MIPEP: variants seen among roughly 807,000 people sequenced by gnomAD.
MIPEP encodes the protein mitochondrial intermediate peptidase.
Under a neutral mutation model 90.3 loss-of-function variants are expected in MIPEP, and 79 were observed. The ratio of observed to expected loss-of-function variants is 0.87; its 90% CI spans 0.73 to 1.05. The LOEUF (loss-of-function observed/expected upper bound fraction) is 1.05, where lower values mean the gene tolerates loss of function less well. Among genes scored for constraint, MIPEP ranks in the 50% least tolerant of loss-of-function variants. MIPEP has a pLI of 0.00. For missense variants in MIPEP, 940 were observed against 905.6 expected, an observed-to-expected ratio of 1.04 and a Z score of -0.49; for synonymous variants, 334 against 315.8, an observed-to-expected ratio of 1.06 and a Z score of -0.61.
At chr13:23,863,014 C>A (rs1312181506) in intron 8 of MIPEP, among the ~76,000 whole-genome samples, 1 of 152,118 alleles carries the variant, frequency 6.6e-6, no homozygotes, top group Non-Finnish European at 1.5e-5. Context: ...TCACCAGGAT[C>A]ATTAAAAGAA....
chr13:23,788,930 C>A (rs762959618), intron 16 of MIPEP, among the ~76,000 whole-genome samples: 1 of 152,182 alleles, frequency 6.6e-6, no homozygotes, highest in Non-Finnish European at 1.5e-5. Context: ...CCTACCTCAG[C>A]CTCCCAAGTA....
At position 23,854,764 on chromosome 13, in the gene MIPEP, T is replaced by C. The variant is rs1352787308; in HGVS notation, c.1106+4096A>G. On this transcript the variant is annotated intron_variant, in intron 10 of 18. Coordinates refer to ENST00000382172, the MANE Select transcript of MIPEP (RefSeq NM_005932.4). ...AAAATTAGCTGGGTGTGGTGGTGCA[T>C]GCCTGTAATCCCTGCTACTCGGGAG... is the stretch of plus-strand genomic sequence containing the variant. Among the ~76,000 whole-genome samples, 4 of 151,932 alleles carry C rather than the reference T, an allele frequency of 2.6e-5. No individual in the cohort carries two copies. The South Asian group carries it at 6.2e-4, about 24-fold the overall frequency.
At chr13:23,843,416 T>C (rs1192210680) in intron 10 of MIPEP, among the ~76,000 whole-genome samples, 1 of 152,168 alleles carries the variant, frequency 6.6e-6, no homozygotes, top group Non-Finnish European at 1.5e-5. Context: ...TCCTCACCAA[T>C]GCACACTAAA....
chr13:23,780,820 T>C (rs1415494938), intron 16 of MIPEP, among the ~76,000 whole-genome samples: 1 of 152,104 alleles, frequency 6.6e-6, no homozygotes, highest in African/African-American at 2.4e-5. Context: ...CAAGCTTCAG[T>C]AGCCCATTCG....
At chr13:23,747,741 TTTG>T (rs561128885) in intron 18 of MIPEP, among the ~76,000 whole-genome samples, 13 of 152,068 alleles carry the variant, frequency 8.5e-5, no homozygotes, top group South Asian at 4.1e-4. Context: ...ATCACAACTT[TTTG>T]TTGTTGTTGT....
intron 16 of MIPEP, among the ~76,000 whole-genome samples, chr13:23,778,487 T>A (rs1952741150): frequency 6.6e-6 from 1 of 152,156 alleles, no homozygotes; most frequent in Non-Finnish European, 1.5e-5. Flanking sequence ...TGGGGACCCC[T>A]GGTGGCCTGG....
intron 14 of MIPEP, among the ~76,000 whole-genome samples, chr13:23,822,146 A>G (rs1953313785): frequency 6.6e-6 from 1 of 152,254 alleles, no homozygotes; most frequent in Non-Finnish European, 1.5e-5. Context: ...GTTTTTTAAA[A>G]TAGGAAAATG....
At chr13:23,769,700 A>C (rs1378846274) in intron 16 of MIPEP, among the ~76,000 whole-genome samples, 1 of 152,150 alleles carries the variant, frequency 6.6e-6, no homozygotes, top group East Asian at 1.9e-4. Flanking sequence ...CTGTTAGATA[A>C]ACTTGCAATA....
At chr13:23,768,017 G>A (rs908713174) in intron 16 of MIPEP, among the ~76,000 whole-genome samples, 3 of 152,204 alleles carry the variant, frequency 2.0e-5, no homozygotes, top group Admixed American at 6.5e-5. Flanking sequence ...GAAAATGGCT[G>A]TGAGTAAAGG....
chr13:23,847,582 A>G (rs760805677), intron 10 of MIPEP, among the ~76,000 whole-genome samples: 4 of 152,124 alleles, frequency 2.6e-5, no homozygotes, highest in Non-Finnish European at 5.9e-5. Flanking sequence ...CTAGCTGGGT[A>G]GACTGACAGG....
Position 23,804,122 on chromosome 13 carries a change from T to C in MIPEP, c.1848+1828A>G, listed in dbSNP as rs1001941753. Among the ~76,000 whole-genome samples the C allele has an allele frequency of 4.6e-5, 7 of 152,344 alleles. No homozygotes were observed. The South Asian group carries it at 6.2e-4, about 14-fold the overall frequency. On this transcript the variant is annotated intron_variant, in intron 16 of 18. Transcript: ENST00000382172. ...TGATTCAGAATTTGGTTGCCACTAATACTTCATATTTGTATGTTAAATGAT... is the reference window on the plus strand; with the variant it reads ...TGATTCAGAATTTGGTTGCCACTAACACTTCATATTTGTATGTTAAATGAT...
intron 16 of MIPEP, among the ~76,000 whole-genome samples, chr13:23,799,392 A>C (rs1953007799): frequency 6.6e-6 from 1 of 151,836 alleles, no homozygotes; most frequent in East Asian, 1.9e-4. Flanking sequence ...CAGTGGTGCG[A>C]TGTGGGCTCA....
intron 2 of MIPEP, among the ~76,000 whole-genome samples, chr13:23,883,694 G>C (rs747847629): frequency 5.3e-5 from 8 of 152,104 alleles, no homozygotes; most frequent in African/African-American, 1.2e-4. Context: ...AAATATTTTT[G>C]ATCCAAGGTT....
intron 16 of MIPEP, among the ~76,000 whole-genome samples, chr13:23,803,494 T>C (rs1953071834): frequency 6.6e-6 from 1 of 152,246 alleles, no homozygotes; most frequent in African/African-American, 2.4e-5. Flanking sequence ...TGCAGTGTGA[T>C]ACAGGGCTGC....
intron 14 of MIPEP, among the ~76,000 whole-genome samples, chr13:23,833,357 T>C (rs542046307): frequency 1.6e-4 from 24 of 152,340 alleles, no homozygotes; most frequent in Middle Eastern, 3.4e-3. Flanking sequence ...ACGCTTTCCA[T>C]TCTCCATGAG....
chr13:23,873,487 A>G (rs895199813), intron 5 of MIPEP, among the ~76,000 whole-genome samples: 5 of 152,222 alleles, frequency 3.3e-5, no homozygotes, highest in Non-Finnish European at 4.4e-5. Context: ...CTTGGTCTAA[A>G]AAAAGCCAGG....
At chr13:23,756,645 C>T (rs368897766) in intron 17 of MIPEP, 27 bp from the exon 18 acceptor site, 78 of 1,604,332 alleles carry the variant, frequency 4.9e-5, no homozygotes, top group Middle Eastern at 1.6e-4. Flanking sequence ...CTGTTACAGA[C>T]TCCTGCTTGC....
At chr13:23,884,204 C>A (rs1189261076) in intron 2 of MIPEP, among the ~76,000 whole-genome samples, 3 of 144,998 alleles carry the variant, frequency 2.1e-5, no homozygotes, top group Non-Finnish European at 3.0e-5. Context: ...TTAGTGGTTG[C>A]CAGAGGTTAG....
chr13:23,738,670 A>T (rs1346127135), intron 18 of MIPEP, among the ~76,000 whole-genome samples: 2 of 151,626 alleles, frequency 1.3e-5, no homozygotes, highest in Non-Finnish European at 2.9e-5. Flanking sequence ...CTGGTCTCGA[A>T]CTCCTGAGCT....
Sources: gnomAD v4.1 joint callset for allele counts (sites outside exome capture counted in the v4.1 genomes callset) on GRCh38, gnomAD v4.1.1 for gene constraint, MANE v1.5 for transcripts, NCBI Gene and HGNC (gene_info 2026-07-23, HGNC 2026-07-21) for gene names.